GPR153: variants seen among roughly 807,000 people sequenced by gnomAD.
GPR153 encodes the protein G protein-coupled receptor 153, also known as probable G protein-coupled receptor 153.
Under a neutral mutation model 34.1 loss-of-function variants are expected in GPR153, and 27 were observed. The observed-to-expected ratio is 0.79, with a 90% confidence interval of 0.58 to 1.09. GPR153 has a LOEUF of 1.09. GPR153 is among the 50% of genes least tolerant of loss of function. The pLI, the probability that GPR153 is intolerant of heterozygous loss-of-function variation, is 0.00. For missense variants in GPR153, 848 were observed against 860.2 expected (o/e 0.99, Z 0.18); for synonymous variants, 408 against 405.4 (o/e 1.01, Z -0.08).
At chr1:6,257,107 C>T (rs1638584737) in intron 1 of GPR153, among the ~76,000 whole-genome samples, 1 of 152,256 alleles carries the variant, frequency 6.6e-6, no homozygotes, top group Admixed American at 6.5e-5. Context: ...AAGGTGGGCC[C>T]AGATGGGCAC....
chr1:6,249,530 C>A lies in GPR153; in HGVS notation c.1638G>T (p.Arg546=). ...EAPTPPSSAQ[R]SPGPRPSAHS... ...GCGCAGAGGGGCGTGGCCCTGGGCTCCGCTGGGCGCTGCTTGGGGGCGTCG... is the reference window on the plus strand; with the variant it reads ...GCGCAGAGGGGCGTGGCCCTGGGCTACGCTGGGCGCTGCTTGGGGGCGTCG... The change falls in exon 6 of 6, where the codon CGG becomes CGT. Residue 546 remains arginine (R), a synonymous_variant. Coordinates refer to ENST00000377893, the MANE Select transcript of GPR153 (RefSeq NM_207370.4). This position sits in a 1 kb window ranked among gnomAD's most constrained non-coding sequence, Gnocchi z 4.3. 8.3e-7 allele frequency: 1 copy of A among 1,206,482 alleles called. No homozygotes were observed. The allele number at this position is 1,206,482 out of a possible 1,614,324, so 74.7% of individuals were successfully genotyped here. A position where few individuals can be genotyped will look rare whatever the true frequency, so the allele number is the denominator to read the frequency against.
intron 1 of GPR153, among the ~76,000 whole-genome samples, chr1:6,260,376 T>TCC (rs1258623746): frequency 8.3e-3 from 111 of 13,390 alleles, no homozygotes; most frequent in African/African-American, 0.021. Flanking sequence ...GGGGCTCCGA[T>TCC]CCCCCCCCCC....
In GPR153 at chr1:6,249,470, G is replaced by C; in HGVS notation, c.1698C>G (p.Ser566Arg). 7.6e-7 allele frequency: 1 copy of C among 1,321,600 alleles called. No homozygotes were observed. Among genetic ancestry groups the C allele is most frequent in the Non-Finnish European group, 9.6e-7 (1 of 1,042,324 alleles). 81.9% of individuals were successfully genotyped at this position (1,321,600 alleles called of 1,614,324 possible). A position where few individuals can be genotyped will look rare whatever the true frequency, so the allele number is the denominator to read the frequency against. ...GCCCCCCGGGCTCGCCCCACGACGC[G>C]CTCAGGCCGGGGCGCAGAGAGCCGG... ...SHAGSLRPGL[S>R]ASWGEPGGLR... is the part of the protein sequence containing the mutation. Residue 566 changes from serine (S) to arginine (R), a missense_variant, in exon 6 of 6, where the codon AGC becomes AGG. Coordinates refer to ENST00000377893, the MANE Select transcript of GPR153 (RefSeq NM_207370.4). This position sits in a 1 kb window ranked among gnomAD's most constrained non-coding sequence, Gnocchi z 4.3.
chr1:6,259,112 T>C (rs961925960), intron 1 of GPR153, among the ~76,000 whole-genome samples: 3 of 152,064 alleles, frequency 2.0e-5, no homozygotes, highest in African/African-American at 4.8e-5. Flanking sequence ...AATAAAAAAA[T>C]TGGCCAGGCG....
In GPR153 at chr1:6,251,799, C is replaced by T. The variant is rs1403625514; in HGVS notation, c.787-269G>A. 6.6e-6 allele frequency among the ~76,000 whole-genome samples: 1 copy of T among 152,186 alleles called. No individual in the cohort carries two copies. The highest frequency in any genetic ancestry group is 6.5e-5 in the Admixed American group (1 of 15,278). The stretch of plus-strand genomic sequence containing the variant: ...AGAAGTGGGGCATGGATTACCACCT[C>T]CTCCCCGCTTTGTTTTGAGACAGTC... On this transcript the variant is annotated intron_variant, in intron 3 of 5. Coordinates refer to ENST00000377893, the MANE Select transcript of GPR153 (RefSeq NM_207370.4). This position sits in a 1 kb window ranked among gnomAD's most constrained non-coding sequence, Gnocchi z 4.9.
chr1:6,251,553 G>T lies in GPR153; in HGVS notation c.787-23C>A. 6.5e-7 allele frequency: 1 copy of T among 1,549,672 alleles called. No homozygotes were observed. Among genetic ancestry groups the T allele is most frequent in the Admixed American group, 1.9e-5 (1 of 53,706 alleles). On this transcript the variant is annotated intron_variant, in intron 3 of 5. Transcript: ENST00000377893. The surrounding 1 kb of genome is among the most constrained non-coding windows in gnomAD (Gnocchi z 4.9). ...CACCTGTGGGCACAGGGCTCGGCCT[G>T]GCACCTGCAGGACCCCCCACCATCA...
chr1:6,256,347 ATGTG>A (rs972207092), intron 1 of GPR153, among the ~76,000 whole-genome samples: 4 of 149,396 alleles, frequency 2.7e-5, no homozygotes, highest in African/African-American at 9.8e-5. Flanking sequence ...AAATTTATAT[ATGTG>A]TGTATTTTTT....
chr1:6,252,409 C>A (rs1481039335), intron 3 of GPR153, among the ~76,000 whole-genome samples: 1 of 152,198 alleles, frequency 6.6e-6, no homozygotes, highest in African/African-American at 2.4e-5. Flanking sequence ...CCCCGCCTCT[C>A]CCCACCACTG....
chr1:6,257,171 A>G (rs1041644553), intron 1 of GPR153, among the ~76,000 whole-genome samples: 1 of 152,208 alleles, frequency 6.6e-6, no homozygotes, highest in South Asian at 2.1e-4. Flanking sequence ...CTTGCCATCA[A>G]ATGTTCCAGA....
Position 6,251,278 on chromosome 1 carries a change from A to C in GPR153, c.979+60T>G. The C allele has an allele frequency of 6.5e-5, 91 of 1,396,298 alleles. No homozygotes were observed. The highest frequency in any genetic ancestry group is 7.8e-5 in the Non-Finnish European group (80 of 1,023,114). 86.5% of individuals were successfully genotyped at this position (1,396,298 alleles called of 1,614,324 possible). On this transcript the variant is annotated intron_variant, in intron 4 of 5. Coordinates refer to ENST00000377893, the MANE Select transcript of GPR153 (RefSeq NM_207370.4). The surrounding 1 kb of genome is among the most constrained non-coding windows in gnomAD (Gnocchi z 4.9). ...GTTGCCTGACAGCCGTTTTCCTGCC[A>C]ACCCCAATGACCTAACCTAGACGCC...
At chr1:6,257,397 A>G (rs1044436774) in intron 1 of GPR153, among the ~76,000 whole-genome samples, 2 of 152,212 alleles carry the variant, frequency 1.3e-5, no homozygotes, top group African/African-American at 4.8e-5. Flanking sequence ...GCAGTCTGCT[A>G]TGTCAGCCCC....
rs1445488403 is a variant in GPR153 at position 6,247,736 on chromosome 1, C to A, written c.*1602G>T. The A allele has an allele frequency of 6.6e-6, 1 of 152,286 alleles. No homozygotes were observed. Among genetic ancestry groups the A allele is most frequent in the Non-Finnish European group, 1.5e-5 (1 of 68,072 alleles). The allele number at this position is 152,286 out of a possible 1,614,324, so 9.4% of individuals were successfully genotyped here. A position where few individuals can be genotyped will look rare whatever the true frequency, so the allele number is the denominator to read the frequency against. ...CACTGGCTAGCTGGCGACCTCTGCC[C>A]CTACGTAACTTGTCAGTCCTTGAAG... On this transcript the variant is annotated 3_prime_UTR_variant, in exon 6 of 6. Coordinates refer to ENST00000377893, the MANE Select transcript of GPR153 (RefSeq NM_207370.4).
chr1:6,260,978 A>G lies in GPR153; in HGVS notation c.-263T>C, dbSNP rs1638667628. 11 of 143,810 alleles carry G rather than the reference A, an allele frequency of 7.6e-5. No homozygotes were observed. The highest frequency in any genetic ancestry group is 7.6e-4 in the Admixed American group (11 of 14,542). 8.9% of individuals were successfully genotyped at this position (143,810 alleles called of 1,614,324 possible). ...GGGCCGGGGCATGCTGGCGGCGGCC[A>G]CCGGCGGCCGGCGCGCTCCGCTAGG... On this transcript the variant is annotated 5_prime_UTR_variant, in exon 1 of 6. Transcript: ENST00000377893.
At position 6,249,290 on chromosome 1, in the gene GPR153, G is replaced by A. The variant is rs1380035698; in HGVS notation, c.*48C>T. On this transcript the variant is annotated 3_prime_UTR_variant, in exon 6 of 6. Coordinates refer to ENST00000377893, the MANE Select transcript of GPR153 (RefSeq NM_207370.4). This position sits in a 1 kb window ranked among gnomAD's most constrained non-coding sequence, Gnocchi z 4.3. ...CGGGCGTCTTTGGTGCTGCGGCCCC[G>A]GAGAGCGGCCTGGCCTGCCTGGCGT... is the stretch of plus-strand genomic sequence containing the variant. 13 of 1,217,048 alleles carry A rather than the reference G, an allele frequency of 1.1e-5. No homozygotes were observed. Among genetic ancestry groups the A allele is most frequent in the South Asian group, 3.5e-5 (1 of 28,524 alleles). The allele number at this position is 1,217,048 out of a possible 1,614,324, so 75.4% of individuals were successfully genotyped here. A position where few individuals can be genotyped will look rare whatever the true frequency, so the allele number is the denominator to read the frequency against.
In GPR153 at chr1:6,254,979, T is replaced by C; in HGVS notation, c.-74A>G. On this transcript the variant is annotated 5_prime_UTR_variant, in exon 2 of 6. Transcript: ENST00000377893. ...GGTCTCAGGGAGCAGCAGCCCTCAC[T>C]CCTGGTGGCTCAAGGATGCTGGGGA... 4 of 1,181,936 alleles carry C rather than the reference T, an allele frequency of 3.4e-6. No homozygotes were observed. Among genetic ancestry groups the C allele is most frequent in the Non-Finnish European group, 4.6e-6 (4 of 864,424 alleles). The allele number at this position is 1,181,936 out of a possible 1,614,324, so 73.2% of individuals were successfully genotyped here.
Position 6,249,386 on chromosome 1 carries a change from G to A in GPR153, c.1782C>T (p.Ser594=). 7.3e-7 allele frequency: 1 copy of A among 1,370,166 alleles called. No individual in the cohort carries two copies. The highest frequency in any genetic ancestry group is 9.4e-7 in the Non-Finnish European group (1 of 1,067,902). 84.9% of individuals were successfully genotyped at this position (1,370,166 alleles called of 1,614,324 possible). A position where few individuals can be genotyped will look rare whatever the true frequency, so the allele number is the denominator to read the frequency against. The change falls in exon 6 of 6, where the codon TCC becomes TCT. Residue 594 remains serine, a synonymous_variant. Transcript: ENST00000377893. This position sits in a 1 kb window ranked among gnomAD's most constrained non-coding sequence, Gnocchi z 4.3. ...TSSFLSSPSE[S]SGYATLHSDS... is the part of the protein sequence containing the mutation. ...CCGAGTGCAGCGTGGCGTAGCCCGAGGACTCGGAGGGGGAACTCAGGAAGC... is the reference window on the plus strand; with the variant it reads ...CCGAGTGCAGCGTGGCGTAGCCCGAAGACTCGGAGGGGGAACTCAGGAAGC...
At position 6,249,149 on chromosome 1, in the gene GPR153, G is replaced by A. The variant is rs2100982311; in HGVS notation, c.*189C>T. The A allele has an allele frequency of 4.8e-6, 2 of 419,658 alleles. No individual in the cohort carries two copies. The highest frequency in any genetic ancestry group is 1.2e-4 in the South Asian group (1 of 8,042). The allele number at this position is 419,658 out of a possible 1,614,324, so 26.0% of individuals were successfully genotyped here. Reference sequence around the variant, plus strand: ...CATGCGGTGCCCAGCGCAGTCGTCCGGGGCAGCCGTCGCCCCTGGGACAAG... The same window carrying A: ...CATGCGGTGCCCAGCGCAGTCGTCCAGGGCAGCCGTCGCCCCTGGGACAAG... On this transcript the variant is annotated 3_prime_UTR_variant, in exon 6 of 6. Coordinates refer to ENST00000377893, the MANE Select transcript of GPR153 (RefSeq NM_207370.4). The surrounding 1 kb of genome is among the most constrained non-coding windows in gnomAD (Gnocchi z 4.3).
At chr1:6,250,071 C>T (rs1034969936) in intron 5 of GPR153, 68 bp from the exon 6 acceptor site, 6 of 1,272,410 alleles carry the variant, frequency 4.7e-6, no homozygotes, top group East Asian at 6.3e-5. Context: ...CCCTTCTCCA[C>T]CCTGGGGAAA....
At chr1:6,250,875 C>G (rs2100985595) in intron 4 of GPR153, among the ~76,000 whole-genome samples, 1 of 152,312 alleles carries the variant, frequency 6.6e-6, no homozygotes, top group Admixed American at 6.5e-5. Flanking sequence ...GGGGTGGGAC[C>G]AGAGGTGACC....
Sources: allele counts gnomAD v4.1 joint callset (sites outside exome capture counted in the v4.1 genomes callset), GRCh38; gene constraint gnomAD v4.1.1; non-coding constraint Gnocchi (gnomAD v3.1); transcripts MANE v1.5; gene names NCBI Gene and HGNC (gene_info 2026-07-23, HGNC 2026-07-21).